Variants in SNURF observed in about 807,000 individuals in gnomAD.
SNURF encodes SNRPN upstream open reading frame.
SNURF carries 6 observed loss-of-function variants against 11.6 expected under a neutral mutation model. The ratio of observed to expected loss-of-function variants is 0.52; its 90% CI spans 0.28 to 1.02. The LOEUF (loss-of-function observed/expected upper bound fraction) is 1.02. Among genes scored for constraint, SNURF ranks in the 50% least tolerant of loss-of-function variants. The pLI is 0.09. For missense variants in SNURF, 84 were observed against 88.4 expected (o/e 0.95, Z 0.20); for synonymous variants, 29 against 31.6 (o/e 0.92, Z 0.27).
intron 1 of SNURF, among the ~76,000 whole-genome samples, chr15:24,957,007 T>C (rs1048827886): frequency 6.6e-6 from 1 of 152,234 alleles, no homozygotes; most frequent in African/African-American, 2.4e-5. Flanking sequence ...TGGAAAATCG[T>C]ACCTTTTCAT....
At chr15:24,978,325 G>C (rs2077298357), downstream of SNURF, 6 of 1,613,922 alleles carry the variant, frequency 3.7e-6, no homozygotes, top group Non-Finnish European at 5.1e-6. Flanking sequence ...AGAGGTGAGT[G>C]GGAGCATAGG....
chr15:24,965,534 CAAAAT>C (rs1027880216), intron 2 of SNURF, among the ~76,000 whole-genome samples: 35 of 152,154 alleles, frequency 2.3e-4, no homozygotes, highest in Non-Finnish European at 4.6e-4. Flanking sequence ...GACTCCATCT[CAAAAT>C]AAAGTAAAAA....
intron 4 of SNURF, chr15:24,976,217 CTTAA>C: frequency 9.9e-7 from 1 of 1,005,620 alleles, no homozygotes; most frequent in South Asian, 1.4e-5. Flanking sequence ...CATCAGTTGT[CTTAA>C]TTGATACTTG....
intron 5 of SNURF, chr15:24,976,449 A>T: frequency 3.7e-6 from 5 of 1,360,256 alleles, no homozygotes; most frequent in Non-Finnish European, 5.2e-6. Context: ...CAGAACTTTA[A>T]TTTGCAGGGA....
chr15:24,958,401 T>G (rs1442615179), intron 1 of SNURF, among the ~76,000 whole-genome samples: 1 of 150,792 alleles, frequency 6.6e-6, no homozygotes, highest in East Asian at 2.0e-4. Flanking sequence ...TTTTTTTTTT[T>G]GTGGCCCAGG....
At chr15:24,962,993 C>T (rs961223184) in intron 2 of SNURF, among the ~76,000 whole-genome samples, 9 of 115,362 alleles carry the variant, frequency 7.8e-5, no homozygotes, top group African/African-American at 4.2e-4. Flanking sequence ...CATTTTAAAG[C>T]AACTACCAAC....
At chr15:24,967,780 C>T in intron 2 of SNURF, 152 bp from the exon 3 acceptor site, 2 of 672,466 alleles carry the variant, frequency 3.0e-6, no homozygotes, top group Admixed American at 5.1e-5. Context: ...TGCACTCCAG[C>T]CTGGGCAACA....
intron 2 of SNURF, among the ~76,000 whole-genome samples, chr15:24,966,467 G>A (rs903254188): frequency 2.0e-5 from 3 of 152,082 alleles, no homozygotes; most frequent in Non-Finnish European, 4.4e-5. Context: ...TGACAAGATT[G>A]AATCACTGGA....
At chr15:24,978,149 A>G (rs373129317), downstream of SNURF, 10 of 1,591,734 alleles carry the variant, frequency 6.3e-6, no homozygotes, top group Admixed American at 1.7e-5. Context: ...TAACTTTTCT[A>G]AGCCATTTTA....
chr15:24,974,520 A>G (rs1261956355), intron 3 of SNURF: 13 of 1,473,430 alleles, frequency 8.8e-6, no homozygotes, highest in Admixed American at 1.7e-5. Flanking sequence ...ATAGTTTGCC[A>G]GCATGTGCAG....
rs184110624 is a variant in SNURF at position 24,956,670 on chromosome 15, A to T, written c.14+1608A>T. Among the ~76,000 whole-genome samples, 1,521 of 152,290 alleles carry T rather than the reference A, an allele frequency of 1.0e-2. 17 individuals are homozygous for T. The highest frequency in any genetic ancestry group is 0.017 in the Middle Eastern group (5 of 294). On this transcript the variant is annotated intron_variant, in intron 1 of 2. Coordinates refer to ENST00000577949, the Ensembl canonical transcript of SNURF. ...CTCCCCTTCACCTGGCTGATACAGC[A>T]GCTGTTCCTTTCCGGTTGTGGCGCA...
At chr15:24,958,408 C>T (rs551731) in intron 1 of SNURF, among the ~76,000 whole-genome samples, 5,088 of 147,316 alleles carry the variant, frequency 0.035, 101 homozygotes, top group Middle Eastern at 0.058. Flanking sequence ...TTTTGTGGCC[C>T]AGGGCCAGAA....
downstream of SNURF, chr15:24,968,809 ATAT>A (rs1170331971): frequency 6.6e-6 from 1 of 152,192 alleles, no homozygotes; most frequent in Non-Finnish European, 1.5e-5. Context: ...TGTAATAAAA[ATAT>A]TATTCATAAT....
At chr15:24,965,827 T>C (rs2075540880) in intron 2 of SNURF, among the ~76,000 whole-genome samples, 1 of 152,176 alleles carries the variant, frequency 6.6e-6, no homozygotes, top group Non-Finnish European at 1.5e-5. Flanking sequence ...GAGGGGGACA[T>C]TGCAATAGAG....
At chr15:24,955,322 G>T (rs1322483831) in intron 1 of SNURF, among the ~76,000 whole-genome samples, 1 of 152,028 alleles carries the variant, frequency 6.6e-6, no homozygotes, top group Non-Finnish European at 1.5e-5. Flanking sequence ...GTCCTATTGC[G>T]GGTGTCTGCG....
chr15:24,970,436 G>A (rs1166020779), downstream of SNURF, among the ~76,000 whole-genome samples: 7 of 152,020 alleles, frequency 4.6e-5, no homozygotes, highest in Admixed American at 2.0e-4. Flanking sequence ...AATATTAGCC[G>A]GGTGTAGTGG....
intron 3 of SNURF, chr15:24,974,562 A>G: frequency 9.7e-7 from 1 of 1,031,328 alleles, no homozygotes; most frequent in South Asian, 1.3e-5. Flanking sequence ...AGAAATAAGG[A>G]TACATCCATG....
chr15:24,958,386 C>CCTTT (rs1400673835), intron 1 of SNURF, among the ~76,000 whole-genome samples: 10 of 124,216 alleles, frequency 8.1e-5, no homozygotes, highest in African/African-American at 2.8e-4. Flanking sequence ...GTCCTGTCTC[C>CCTTT]TTTTTTTTTT....
downstream of SNURF, chr15:24,977,992 A>C: frequency 7.2e-7 from 1 of 1,394,092 alleles, no homozygotes; most frequent in East Asian, 2.3e-5. Context: ...ACACAGCCTG[A>C]GAGCCTAAGA....
Sources: gnomAD v4.1 joint callset for allele counts (sites outside exome capture counted in the v4.1 genomes callset) on GRCh38, gnomAD v4.1.1 for gene constraint, MANE v1.5 for transcripts, NCBI Gene and HGNC (gene_info 2026-07-23, HGNC 2026-07-21) for gene names.